TCEANC2: variants seen among roughly 807,000 people sequenced by gnomAD.
TCEANC2 encodes transcription elongation factor A N-terminal and central domain containing 2.
TCEANC2 carries 20 observed loss-of-function variants against 22.8 expected under a neutral mutation model. The ratio of observed to expected loss-of-function variants is 0.88; its 90% CI spans 0.62 to 1.28. The LOEUF (loss-of-function observed/expected upper bound fraction) is 1.28. Among genes scored for constraint, TCEANC2 ranks in the 50% most tolerant of loss-of-function variants. TCEANC2 has a pLI of 0.00. For missense variants in TCEANC2, 251 were observed against 249.7 expected (o/e 1.01, Z -0.03); for synonymous variants, 84 against 95.5 (o/e 0.88, Z 0.70).
Position 54,096,579 on chromosome 1 carries a change from A to C in TCEANC2, c.*106A>C. 1 of 1,451,598 alleles carries C rather than the reference A, an allele frequency of 6.9e-7. No homozygotes were observed. Among genetic ancestry groups the C allele is most frequent in the South Asian group, 1.4e-5 (1 of 69,316 alleles). The allele number at this position is 1,451,598 out of a possible 1,614,324, so 89.9% of individuals were successfully genotyped here. ...GGTGATGGCTGATGCTGGCTGTGCT[A>C]GATTTTCCCATGGTGCCGTTCCTTT... On this transcript the variant is annotated 3_prime_UTR_variant, in exon 5 of 5. Transcript: ENST00000234827. This position sits in a 1 kb window ranked among gnomAD's most constrained non-coding sequence, Gnocchi z 4.9.
At chr1:54,058,718 G>A (rs1657797855) in intron 2 of TCEANC2, among the ~76,000 whole-genome samples, 1 of 151,996 alleles carries the variant, frequency 6.6e-6, no homozygotes, top group Non-Finnish European at 1.5e-5. Flanking sequence ...GTGCAGTGGC[G>A]AGATTTTGGC....
chr1:54,084,763 C>T (rs941794526), intron 3 of TCEANC2, among the ~76,000 whole-genome samples: 1 of 151,742 alleles, frequency 6.6e-6, no homozygotes, highest in Non-Finnish European at 1.5e-5. Flanking sequence ...CAGAGCAAAA[C>T]TCCGTCTAAA....
rs1365201246 is a variant in TCEANC2, at chr1:54,100,654, T to C, written c.*4181T>C. The stretch of plus-strand genomic sequence containing the variant: ...ACAGAAGCGTGAGGTGTATGGCTAG[T>C]TTCAGTAAAGGCAAATAATATGAGG... On this transcript the variant is annotated 3_prime_UTR_variant, in exon 5 of 5. Coordinates refer to ENST00000234827, the MANE Select transcript of TCEANC2 (RefSeq NM_153035.3). The C allele has an allele frequency of 2.6e-5, 4 of 152,212 alleles. No homozygotes were observed. The highest frequency in any genetic ancestry group is 9.6e-5 in the African/African-American group (4 of 41,460). The allele number at this position is 152,212 out of a possible 1,614,324, so 9.4% of individuals were successfully genotyped here. A position where few individuals can be genotyped will look rare whatever the true frequency, so the allele number is the denominator to read the frequency against.
intron 3 of TCEANC2, among the ~76,000 whole-genome samples, chr1:54,070,336 CATATGT>C (rs1375452331): frequency 6.6e-6 from 1 of 152,040 alleles, no homozygotes; most frequent in Non-Finnish European, 1.5e-5. Flanking sequence ...TATATGTGTA[CATATGT>C]ATATGTATAT....
At chr1:54,086,064 C>T (rs1170591768) in intron 3 of TCEANC2, among the ~76,000 whole-genome samples, 1 of 152,108 alleles carries the variant, frequency 6.6e-6, no homozygotes, top group Non-Finnish European at 1.5e-5. Context: ...TTTTTGTGCT[C>T]ATTTTTCCAT....
In TCEANC2 at chr1:54,104,342, T is replaced by C. The variant is rs1194859225; in HGVS notation, c.*7869T>C. ...GAAACATCAAGATTACTATGAACTA[T>C]TAGCTGTGACTGCACCCGGGCACTT... On this transcript the variant is annotated 3_prime_UTR_variant, in exon 5 of 5. Transcript: ENST00000234827. 1 of 228,218 alleles carries C rather than the reference T, an allele frequency of 4.4e-6. No homozygotes were observed. The highest frequency in any genetic ancestry group is 9.2e-6 in the Non-Finnish European group (1 of 109,216). 14.1% of individuals were successfully genotyped at this position (228,218 alleles called of 1,614,324 possible).
downstream of TCEANC2, among the ~76,000 whole-genome samples, chr1:54,110,316 G>A (rs1658820337): frequency 6.6e-6 from 1 of 152,136 alleles, no homozygotes; most frequent in African/African-American, 2.4e-5. Context: ...CCCTTCAATG[G>A]GTCTGGGTGT....
At chr1:54,078,315 A>G (rs1658180431) in intron 3 of TCEANC2, among the ~76,000 whole-genome samples, 1 of 152,176 alleles carries the variant, frequency 6.6e-6, no homozygotes, top group African/African-American at 2.4e-5. Flanking sequence ...CAGAGAGATG[A>G]AGTGACTTAT....
At position 54,054,446 on chromosome 1, in the gene TCEANC2, G is replaced by A. The variant is rs748278567; in HGVS notation, c.24G>A (p.Thr8=). Reference sequence around the variant, plus strand: ...CAATGGATAAATTCGTCATTCGAACGCCTAGAATCCAGAATAGCCCTCAGA... The same window carrying A: ...CAATGGATAAATTCGTCATTCGAACACCTAGAATCCAGAATAGCCCTCAGA... MDKFVIR[T]PRIQNSPQKK... is the part of the protein sequence containing the mutation. Residue 8 remains threonine, a synonymous_variant, in exon 2 of 5, where the codon ACG becomes ACA. Transcript: ENST00000234827. The A allele has an allele frequency of 2.5e-6, 4 of 1,613,928 alleles. No homozygotes were observed. Among genetic ancestry groups the A allele is most frequent in the African/African-American group, 1.3e-5 (1 of 74,878 alleles).
intron 3 of TCEANC2, among the ~76,000 whole-genome samples, chr1:54,073,785 A>T (rs1658099666): frequency 6.6e-6 from 1 of 152,220 alleles, no homozygotes; most frequent in Admixed American, 6.5e-5. Context: ...CTACTAAAAC[A>T]TCTGCATAAG....
intron 2 of TCEANC2, among the ~76,000 whole-genome samples, chr1:54,061,406 A>C (rs1459427914): frequency 6.6e-6 from 1 of 152,180 alleles, no homozygotes; most frequent in Non-Finnish European, 1.5e-5. Context: ...AAAAACCAAT[A>C]GTTTCCTCTT....
At chr1:54,084,894 A>C (rs761207213) in intron 3 of TCEANC2, among the ~76,000 whole-genome samples, 5 of 152,190 alleles carry the variant, frequency 3.3e-5, no homozygotes, top group African/African-American at 4.8e-5. Flanking sequence ...TGCTGAATGA[A>C]TAATCTCAGG....
chr1:54,107,631 T>C (rs1658779144), downstream of TCEANC2, among the ~76,000 whole-genome samples: 1 of 152,206 alleles, frequency 6.6e-6, no homozygotes, highest in Admixed American at 6.5e-5. Flanking sequence ...AATTTATTTA[T>C]TAATATATCA....
At chr1:54,074,428 A>G (rs1197351588) in intron 3 of TCEANC2, among the ~76,000 whole-genome samples, 1 of 152,026 alleles carries the variant, frequency 6.6e-6, no homozygotes, top group African/African-American at 2.4e-5. Context: ...ATGCCCCTGC[A>G]CTCCAGCCTG....
downstream of TCEANC2, among the ~76,000 whole-genome samples, chr1:54,108,445 A>T (rs1299595566): frequency 6.6e-6 from 1 of 152,174 alleles, no homozygotes; most frequent in Non-Finnish European, 1.5e-5. Flanking sequence ...TGGTGTCCTT[A>T]TAAGAAGAGA....
At chr1:54,090,146 T>C (rs1348055309) in intron 4 of TCEANC2, 1 of 459,922 alleles carries the variant, frequency 2.2e-6, no homozygotes, top group Middle Eastern at 6.5e-4. Flanking sequence ...CAGCTCGTAG[T>C]TGATGCCAAG....
intron 3 of TCEANC2, among the ~76,000 whole-genome samples, chr1:54,071,020 A>G (rs1413062445): frequency 6.6e-6 from 1 of 152,196 alleles, no homozygotes; most frequent in African/African-American, 2.4e-5. Flanking sequence ...CGTGAGCTGT[A>G]TAGAAGGTGG....
rs2100395949 is a variant in TCEANC2 at position 54,104,206 on chromosome 1, A to C, written c.*7733A>C. 1 of 157,122 alleles carries C rather than the reference A, an allele frequency of 6.4e-6. No individual in the cohort carries two copies. Among genetic ancestry groups the C allele is most frequent in the East Asian group, 1.9e-4 (1 of 5,362 alleles). 9.7% of individuals were successfully genotyped at this position (157,122 alleles called of 1,614,324 possible). On this transcript the variant is annotated 3_prime_UTR_variant, in exon 5 of 5. Coordinates refer to ENST00000234827, the MANE Select transcript of TCEANC2 (RefSeq NM_153035.3). The stretch of plus-strand genomic sequence containing the variant: ...AAGAAATGAAAGCAGGAGTGCTCTC[A>C]CTCTTACCATCACTTCTAGTGACCC...
intron 4 of TCEANC2, among the ~76,000 whole-genome samples, chr1:54,091,169 T>C (rs1416561774): frequency 4.0e-5 from 6 of 151,576 alleles, no homozygotes; most frequent in African/African-American, 1.5e-4. Context: ...AAAAAATCAC[T>C]CTGCTTTCCT....
Sources: gnomAD v4.1 joint callset for allele counts (sites outside exome capture counted in the v4.1 genomes callset) on GRCh38, gnomAD v4.1.1 for gene constraint, Gnocchi (gnomAD v3.1) non-coding constraint, MANE v1.5 for transcripts, NCBI Gene and HGNC (gene_info 2026-07-23, HGNC 2026-07-21) for gene names.